CDKAL1: variants seen among roughly 807,000 people sequenced by gnomAD.
CDKAL1 encodes the protein CDKAL1 threonylcarbamoyladenosine tRNA methylthiotransferase, also known as threonylcarbamoyladenosine tRNA methylthiotransferase.
Under a neutral mutation model 68.2 loss-of-function variants are expected in CDKAL1, and 32 were observed. The observed-to-expected ratio is 0.47, with a 90% CI of 0.35 to 0.63. CDKAL1 has a LOEUF of 0.63. CDKAL1 is among the 30% of genes least tolerant of loss of function. The pLI is 0.00. For synonymous variants in CDKAL1, 234 were observed against 244.3 expected, an observed-to-expected ratio of 0.96 and a Z score of 0.39; for missense variants, 606 against 696.7, an observed-to-expected ratio of 0.87 and a Z score of 1.47.
chr6:20,969,261 G>T (rs528987858), intron 10 of CDKAL1, among the ~76,000 whole-genome samples: 1 of 152,104 alleles, frequency 6.6e-6, no homozygotes, highest in Non-Finnish European at 1.5e-5. Context: ...ATTAATGCAC[G>T]TGTGTTATGT....
intron 4 of CDKAL1, among the ~76,000 whole-genome samples, chr6:20,641,487 T>G (rs565360655): frequency 6.6e-6 from 1 of 152,318 alleles, no homozygotes; most frequent in East Asian, 1.9e-4. Flanking sequence ...CACTGAACCT[T>G]TATCTTGCCT....
At chr6:21,030,500 T>A (rs565466925) in intron 11 of CDKAL1, among the ~76,000 whole-genome samples, 2 of 152,162 alleles carry the variant, frequency 1.3e-5, no homozygotes, top group Admixed American at 6.6e-5. Flanking sequence ...TTAAAAAAAA[T>A]TAAAAAGAGA....
At chr6:20,752,929 T>C (rs1773991041) in intron 6 of CDKAL1, among the ~76,000 whole-genome samples, 2 of 152,188 alleles carry the variant, frequency 1.3e-5, no homozygotes, top group Non-Finnish European at 2.9e-5. Flanking sequence ...ATTTCCTCAG[T>C]TTTTCGTTGA....
intron 5 of CDKAL1, among the ~76,000 whole-genome samples, chr6:20,666,537 G>A (rs560581212): frequency 3.5e-4 from 53 of 152,186 alleles, no homozygotes; most frequent in African/African-American, 1.2e-3. Flanking sequence ...TGCAAAAAGT[G>A]TTATAACAAA....
rs1156309699 is a variant in CDKAL1 at position 21,221,231 on chromosome 6, T to G, written c.1549-9617T>G. ...TATAATTTTGTATTCAATACCAGAA[T>G]TTTTTTCATGGAGGGGAAACAAGGT... On this transcript the variant is annotated intron_variant, in intron 15 of 15. Transcript: ENST00000274695. Among the ~76,000 whole-genome samples, 2 of 152,132 alleles carry G rather than the reference T, an allele frequency of 1.3e-5. 1 individual carries two copies. Among genetic ancestry groups the G allele is most frequent in the Admixed American group, 1.3e-4 (2 of 15,266 alleles).
chr6:20,701,197 G>A (rs1771338020), intron 5 of CDKAL1, among the ~76,000 whole-genome samples: 1 of 151,204 alleles, frequency 6.6e-6, no homozygotes, highest in African/African-American at 2.4e-5. Flanking sequence ...CTGGAAAGCT[G>A]CAGTTTAGAA....
intron 11 of CDKAL1, among the ~76,000 whole-genome samples, chr6:21,019,553 G>C (rs933681983): frequency 3.3e-5 from 5 of 152,144 alleles, no homozygotes; most frequent in African/African-American, 1.2e-4. Flanking sequence ...AATATTAGTG[G>C]TGTCGTCTGT....
chr6:21,124,703 C>T (rs1279792880), intron 13 of CDKAL1, among the ~76,000 whole-genome samples: 3 of 151,374 alleles, frequency 2.0e-5, no homozygotes, highest in African/African-American at 7.3e-5. Flanking sequence ...ATTATAGGTT[C>T]ACTTGGTGGC....
At chr6:20,656,201 A>G (rs914545045) in intron 5 of CDKAL1, among the ~76,000 whole-genome samples, 2 of 152,220 alleles carry the variant, frequency 1.3e-5, no homozygotes, top group African/African-American at 4.8e-5. Context: ...CTAGATAAAG[A>G]TGTCAAGTAA....
chr6:20,791,581 T>G (rs1291212938), intron 8 of CDKAL1, among the ~76,000 whole-genome samples: 1 of 152,138 alleles, frequency 6.6e-6, no homozygotes. Flanking sequence ...CTGAGAAACA[T>G]GCCGTACGCA....
chr6:20,655,753 T>C (rs1768998413), intron 5 of CDKAL1, among the ~76,000 whole-genome samples: 1 of 152,022 alleles, frequency 6.6e-6, no homozygotes, highest in Non-Finnish European at 1.5e-5. Context: ...GTGCCAAAAA[T>C]GTTGGGGGGA....
intron 4 of CDKAL1, among the ~76,000 whole-genome samples, chr6:20,604,182 T>G (rs1766232093): frequency 6.6e-6 from 1 of 152,178 alleles, no homozygotes; most frequent in South Asian, 2.1e-4. Flanking sequence ...AGCCTTTTAT[T>G]CACCCACATT....
intron 5 of CDKAL1, among the ~76,000 whole-genome samples, chr6:20,723,350 C>T (rs901607024): frequency 2.6e-5 from 4 of 152,256 alleles, no homozygotes; most frequent in Admixed American, 2.0e-4. Context: ...GGCATCCTCA[C>T]CTGGGTGCAG....
chr6:20,800,261 G>A (rs374165224), intron 8 of CDKAL1, among the ~76,000 whole-genome samples: 21 of 152,274 alleles, frequency 1.4e-4, no homozygotes, highest in African/African-American at 5.1e-4. Context: ...ATATTCCCCA[G>A]CAACATAAAG....
intron 11 of CDKAL1, among the ~76,000 whole-genome samples, chr6:21,014,462 T>A (rs1474773025): frequency 2.0e-5 from 3 of 151,936 alleles, no homozygotes; most frequent in Middle Eastern, 3.2e-3. Flanking sequence ...AACAAAAAAA[T>A]TAGCTGGGCG....
At chr6:20,968,052 G>A (rs1765410464) in intron 10 of CDKAL1, among the ~76,000 whole-genome samples, 1 of 151,484 alleles carries the variant, frequency 6.6e-6, no homozygotes, top group African/African-American at 2.4e-5. Flanking sequence ...ACTTTCAACT[G>A]TTTGATTATG....
chr6:20,795,717 T>A (rs942650755), intron 8 of CDKAL1, among the ~76,000 whole-genome samples: 2 of 152,210 alleles, frequency 1.3e-5, no homozygotes, highest in African/African-American at 4.8e-5. Flanking sequence ...GTAAATTTGG[T>A]TTATTCTTTA....
At chr6:20,693,551 G>A (rs1770968909) in intron 5 of CDKAL1, among the ~76,000 whole-genome samples, 1 of 152,120 alleles carries the variant, frequency 6.6e-6, no homozygotes, top group Non-Finnish European at 1.5e-5. Flanking sequence ...AGATAGATAT[G>A]TTTCTTTCAG....
chr6:21,092,257 T>C (rs1352579000), intron 12 of CDKAL1, among the ~76,000 whole-genome samples: 1 of 148,260 alleles, frequency 6.7e-6, no homozygotes, highest in Non-Finnish European at 1.5e-5. Context: ...ACTGATTCTT[T>C]TTTTTTTTTT....
Sources: allele counts gnomAD v4.1 joint callset (sites outside exome capture counted in the v4.1 genomes callset), GRCh38; gene constraint gnomAD v4.1.1; transcripts MANE v1.5; gene names NCBI Gene and HGNC (gene_info 2026-07-23, HGNC 2026-07-21).